Variants in PRR16 observed in about 807,000 individuals in gnomAD.
PRR16 encodes the protein proline rich 16, also known as protein Largen.
PRR16 carries 6 observed loss-of-function variants against 18.2 expected under a neutral mutation model. That is an observed-to-expected ratio of 0.33 (90% CI 0.18 to 0.65). PRR16 has a LOEUF of 0.65. Among genes scored for constraint, PRR16 ranks in the 30% least tolerant of loss-of-function variants. PRR16 has a pLI of 0.74. For synonymous variants in PRR16, 151 were observed against 147.8 expected (o/e 1.02, Z -0.16); for missense variants, 412 against 376.6 (o/e 1.09, Z -0.78).
At chr5:120,541,820 A>C (rs1751925547) in intron 1 of PRR16, among the ~76,000 whole-genome samples, 1 of 152,030 alleles carries the variant, frequency 6.6e-6, no homozygotes, top group South Asian at 2.1e-4. Context: ...TGGAATAGAT[A>C]TTTTCATCAA....
intron 1 of PRR16, among the ~76,000 whole-genome samples, chr5:120,614,649 T>C (rs1475237875): frequency 6.6e-6 from 1 of 152,222 alleles, no homozygotes; most frequent in Non-Finnish European, 1.5e-5. Flanking sequence ...TTGTTCAGCT[T>C]GTAGTTGGCA....
the PRR16 span, among the ~76,000 whole-genome samples, chr5:120,772,133 CTGAGATT>C: frequency 2.0e-5 from 3 of 152,102 alleles, no homozygotes; most frequent in Admixed American, 1.3e-4. Flanking sequence ...TGTCCTATCT[CTGAGATT>C]TGACAAGTAA....
chr5:120,577,717 G>A (rs565854194), intron 1 of PRR16, among the ~76,000 whole-genome samples: 53 of 152,290 alleles, frequency 3.5e-4, no homozygotes, highest in Non-Finnish European at 5.6e-4. Context: ...ACAAATGACA[G>A]GCAAAATATT....
chr5:120,679,102 GGT>G (rs1408464973), intron 1 of PRR16, among the ~76,000 whole-genome samples: 2 of 151,782 alleles, frequency 1.3e-5, no homozygotes, highest in Non-Finnish European at 2.9e-5. Context: ...TTGTATACAT[GGT>G]TTAAAAAACC....
At chr5:120,636,010 T>C (rs1755215780) in intron 1 of PRR16, among the ~76,000 whole-genome samples, 1 of 151,962 alleles carries the variant, frequency 6.6e-6, no homozygotes, top group Non-Finnish European at 1.5e-5. Flanking sequence ...GTCAACCCCT[T>C]TCACAATGGC....
At chr5:120,650,898 G>C (rs1339651550) in intron 1 of PRR16, among the ~76,000 whole-genome samples, 1 of 151,960 alleles carries the variant, frequency 6.6e-6, no homozygotes, top group African/African-American at 2.4e-5. Context: ...CTGAGGAATC[G>C]CCACACTGAC....
chr5:120,718,674 C>T, the PRR16 span, among the ~76,000 whole-genome samples: 1 of 152,044 alleles, frequency 6.6e-6, no homozygotes, highest in African/African-American at 2.4e-5. Flanking sequence ...TTCCCCTGGT[C>T]CAGGAAAGCC....
At chr5:120,529,630 C>T (rs992561051) in intron 1 of PRR16, among the ~76,000 whole-genome samples, 1 of 152,098 alleles carries the variant, frequency 6.6e-6, no homozygotes, top group Non-Finnish European at 1.5e-5. Context: ...AGAAGTGTTC[C>T]TGTTCAAATC....
At chr5:120,581,739 A>G (rs187204178) in intron 1 of PRR16, among the ~76,000 whole-genome samples, 1 of 152,208 alleles carries the variant, frequency 6.6e-6, no homozygotes, top group Non-Finnish European at 1.5e-5. Context: ...CCTTGGTTTC[A>G]AAAAACTTGA....
chr5:120,607,589 C>T lies in PRR16; in HGVS notation c.160-78365C>T, dbSNP rs531987550. On this transcript the variant is annotated intron_variant, in intron 1 of 1. Coordinates refer to ENST00000407149, the MANE Select transcript of PRR16 (RefSeq NM_001300783.2). ...CTTCATTAGAGTCTTGTAATCATTT[C>T]CATGGTTGATCTTGGTTTCAAAATC... Among the ~76,000 whole-genome samples, 3 of 152,102 alleles carry T rather than the reference C, an allele frequency of 2.0e-5. No individual in the cohort carries two copies. The South Asian group carries it at 6.2e-4, about 32-fold the overall frequency.
chr5:120,541,491 G>C (rs536151543), intron 1 of PRR16, among the ~76,000 whole-genome samples: 1 of 152,236 alleles, frequency 6.6e-6, no homozygotes, highest in African/African-American at 2.4e-5. Context: ...TCCCAACTCT[G>C]TGTCATTTCT....
chr5:120,498,264 A>ATT (rs1750326177), intron 1 of PRR16, among the ~76,000 whole-genome samples: 1 of 149,936 alleles, frequency 6.7e-6, no homozygotes, highest in Non-Finnish European at 1.5e-5. Flanking sequence ...TAGGTATTAC[A>ATT]TTATATATAT....
chr5:120,738,579 C>T, the PRR16 span, among the ~76,000 whole-genome samples: 1 of 152,032 alleles, frequency 6.6e-6, no homozygotes, highest in African/African-American at 2.4e-5. Context: ...GTTACAAAGC[C>T]CTTTTAAACT....
chr5:120,571,564 A>AT (rs1752908026), intron 1 of PRR16, among the ~76,000 whole-genome samples: 1 of 152,106 alleles, frequency 6.6e-6, no homozygotes. Flanking sequence ...GTATATTTTT[A>AT]AAGGGTTACT....
At chr5:120,619,467 C>T (rs1187393522) in intron 1 of PRR16, among the ~76,000 whole-genome samples, 2 of 152,048 alleles carry the variant, frequency 1.3e-5, no homozygotes, top group Non-Finnish European at 2.9e-5. Context: ...AAGAGAGAAT[C>T]AACCATTTAA....
chr5:120,625,335 G>C lies in PRR16; in HGVS notation c.160-60619G>C, dbSNP rs568359935. Among the ~76,000 whole-genome samples, 4 of 152,124 alleles carry C rather than the reference G, an allele frequency of 2.6e-5. No individual in the cohort carries two copies. In the South Asian group the frequency reaches 8.3e-4, roughly 32 times the overall value. The stretch of plus-strand genomic sequence containing the variant: ...AGATGGGAAAATAAATTTTTAGTTT[G>C]TTTTATTTTTTTGAGACAAGATCTT... On this transcript the variant is annotated intron_variant, in intron 1 of 1. Coordinates refer to ENST00000407149, the MANE Select transcript of PRR16 (RefSeq NM_001300783.2).
At chr5:120,771,004 C>G in the PRR16 span, among the ~76,000 whole-genome samples, 6 of 148,032 alleles carry the variant, frequency 4.1e-5, no homozygotes, top group Admixed American at 3.4e-4. Flanking sequence ...GAATGTCTAT[C>G]TTTATTATTG....
At chr5:120,715,717 T>C in the PRR16 span, among the ~76,000 whole-genome samples, 1 of 152,324 alleles carries the variant, frequency 6.6e-6, no homozygotes, top group Middle Eastern at 3.4e-3. Context: ...ACTGGTATTT[T>C]TCTTTTGTTA....
intron 1 of PRR16, among the ~76,000 whole-genome samples, chr5:120,574,134 T>C (rs1226910725): frequency 6.6e-6 from 1 of 152,106 alleles, no homozygotes; most frequent in Non-Finnish European, 1.5e-5. Context: ...AACTAATGTT[T>C]AATCAAAAGT....
Sources: allele counts gnomAD v4.1 joint callset (sites outside exome capture counted in the v4.1 genomes callset), GRCh38; gene constraint gnomAD v4.1.1; transcripts MANE v1.5; gene names NCBI Gene and HGNC (gene_info 2026-07-23, HGNC 2026-07-21).